The following ALK variants were observed in gnomAD, a reference collection of about 807,000 sequenced individuals.
ALK encodes the protein ALK tyrosine kinase receptor.
ALK carries 74 observed loss-of-function variants against 163.1 expected under a neutral mutation model. The observed-to-expected ratio is 0.45, with a 90% CI of 0.38 to 0.55. The LOEUF is 0.55. ALK is among the 20% of genes least tolerant of loss of function. The pLI is 0.00. For synonymous variants in ALK, 960 were observed against 843.2 expected (o/e 1.14, Z -2.40); for missense variants, 2,063 against 2,105.3 (o/e 0.98, Z 0.39).
chr2:29,867,508 C>G, intron 1 of ALK, among the ~76,000 whole-genome samples: 1 of 152,256 alleles, frequency 6.6e-6, no homozygotes, highest in Non-Finnish European at 1.5e-5. Context: ...TCAACAGATT[C>G]GTGAGTTGCA....
chr2:29,859,276 A>G (rs73922321), intron 1 of ALK, among the ~76,000 whole-genome samples: 2,145 of 152,292 alleles, frequency 0.014, 44 homozygotes, highest in African/African-American at 0.043. Context: ...CTCAGGCAGC[A>G]GTTGTTCAGC....
chr2:29,251,077 C>G (rs2148197123), intron 12 of ALK, 28 bp downstream of exon 12: 1 of 1,609,830 alleles, frequency 6.2e-7, no homozygotes, highest in Non-Finnish European at 8.5e-7. Context: ...GGTGGTCTGC[C>G]CCTCCCCTCC....
chr2:29,793,143 T>A (rs1254283497), intron 1 of ALK, among the ~76,000 whole-genome samples: 3 of 152,202 alleles, frequency 2.0e-5, no homozygotes, highest in Non-Finnish European at 4.4e-5. Context: ...TCAACAATGT[T>A]CACAGCATCT....
At chr2:29,559,768 CGTGTGTGTGTGTGTGTGTGTGT>C in intron 3 of ALK, among the ~76,000 whole-genome samples, 1 of 143,130 alleles carries the variant, frequency 7.0e-6, no homozygotes, top group Middle Eastern at 3.5e-3. Flanking sequence ...GGAGCATGTA[CGTGTGTGTGTGTGTGTGTGTGT>C]GTGTGTGTGT....
intron 1 of ALK, among the ~76,000 whole-genome samples, chr2:29,861,102 G>A (rs2148406795): frequency 6.6e-6 from 1 of 152,284 alleles, no homozygotes; most frequent in East Asian, 1.9e-4. Context: ...AGCCCACGAG[G>A]TCAAGGCTGC....
intron 4 of ALK, among the ~76,000 whole-genome samples, chr2:29,530,730 G>A (rs1673098807): frequency 1.3e-5 from 2 of 152,222 alleles, no homozygotes; most frequent in African/African-American, 4.8e-5. Flanking sequence ...CAAACAAGGG[G>A]CAGCCCAGAC....
chr2:29,653,368 G>A (rs773548936), intron 3 of ALK, among the ~76,000 whole-genome samples: 4 of 151,940 alleles, frequency 2.6e-5, no homozygotes, highest in African/African-American at 4.8e-5. Context: ...TTCTCCCTTC[G>A]CCCTGTCTTT....
At chr2:29,460,943 G>C (rs899558980) in intron 4 of ALK, among the ~76,000 whole-genome samples, 3 of 152,166 alleles carry the variant, frequency 2.0e-5, no homozygotes, top group African/African-American at 7.2e-5. Flanking sequence ...GAATGCAAAG[G>C]AAAAGTTCTT....
chr2:29,756,435 C>G (rs965002326), intron 1 of ALK, among the ~76,000 whole-genome samples: 1 of 152,106 alleles, frequency 6.6e-6, no homozygotes, highest in Non-Finnish European at 1.5e-5. Flanking sequence ...AGCATGTAGT[C>G]AATCCTCTAT....
chr2:29,193,996 G>GT, intron 28 of ALK, 74 bp from the exon 29 acceptor site: 1 of 1,381,096 alleles, frequency 7.2e-7, no homozygotes, highest in Non-Finnish European at 1.0e-6. Context: ...CCTTAGAGAT[G>GT]ATGTTATCTA....
chr2:29,206,460 T>C (rs976362372), intron 26 of ALK, among the ~76,000 whole-genome samples: 2 of 152,000 alleles, frequency 1.3e-5, no homozygotes, highest in East Asian at 3.9e-4. Flanking sequence ...ATGGTAGAGA[T>C]GGGGCCTTGC....
chr2:29,832,666 G>A (rs900291972), intron 1 of ALK, among the ~76,000 whole-genome samples: 3 of 152,152 alleles, frequency 2.0e-5, no homozygotes, highest in Non-Finnish European at 4.4e-5. Flanking sequence ...GGCAAACCAC[G>A]GACCATTGTA....
At chr2:29,401,792 T>C (rs1669452549) in intron 4 of ALK, among the ~76,000 whole-genome samples, 1 of 152,200 alleles carries the variant, frequency 6.6e-6, no homozygotes, top group Non-Finnish European at 1.5e-5. Flanking sequence ...AATTGAAGTC[T>C]TTTAACAGAG....
At chr2:29,546,879 T>G (rs1024421068) in intron 3 of ALK, among the ~76,000 whole-genome samples, 10 of 152,316 alleles carry the variant, frequency 6.6e-5, no homozygotes, top group African/African-American at 2.4e-4. Context: ...CCATCTACTG[T>G]GGTTCTCAGA....
rs149978461 is a variant in ALK at position 29,859,353 on chromosome 2, T to C, written c.667+60640A>G. ...GAGAGGCTTACAGCTGAAGCTGTCC[T>C]CCGCTCTCCCTTGAAGCCAGACTCA... On this transcript the variant is annotated intron_variant, in intron 1 of 28. Transcript: ENST00000389048. 3.2e-3 allele frequency among the ~76,000 whole-genome samples: 485 copies of C among 152,340 alleles called. 1 individual carries two copies. The highest frequency in any genetic ancestry group is 0.011 in the African/African-American group (450 of 41,572).
chr2:29,776,441 C>G (rs375113195), intron 1 of ALK, among the ~76,000 whole-genome samples: 1 of 151,312 alleles, frequency 6.6e-6, no homozygotes. Flanking sequence ...TTGAAAACAG[C>G]CTTTGGGAGG....
intron 1 of ALK, among the ~76,000 whole-genome samples, chr2:29,805,210 A>G (rs1664577286): frequency 6.6e-6 from 1 of 152,220 alleles, no homozygotes; most frequent in Admixed American, 6.5e-5. Context: ...AGCTAACATA[A>G]CAGACAAGGA....
intron 23 of ALK, among the ~76,000 whole-genome samples, chr2:29,219,528 G>T (rs1669727912): frequency 6.6e-6 from 1 of 152,186 alleles, no homozygotes; most frequent in African/African-American, 2.4e-5. Context: ...TACTGTGCAA[G>T]TCTTCCTTGT....
At chr2:29,588,629 G>A (rs1674959751) in intron 3 of ALK, among the ~76,000 whole-genome samples, 1 of 152,176 alleles carries the variant, frequency 6.6e-6, no homozygotes, top group Non-Finnish European at 1.5e-5. Context: ...TTCTATAAAG[G>A]ACCAGATAGT....
Sources: allele counts gnomAD v4.1 joint callset (sites outside exome capture counted in the v4.1 genomes callset), GRCh38; gene constraint gnomAD v4.1.1; transcripts MANE v1.5; gene names NCBI Gene and HGNC (gene_info 2026-07-23, HGNC 2026-07-21).